AGBL3: variants seen among roughly 807,000 people sequenced by gnomAD.
The protein encoded by AGBL3 is AGBL carboxypeptidase 3.
A neutral mutation model predicts 94.5 loss-of-function variants in AGBL3; 68 were observed. That is an observed-to-expected ratio of 0.72 (90% CI 0.59 to 0.88). The LOEUF (loss-of-function observed/expected upper bound fraction) is 0.88, where lower values mean the gene tolerates loss of function less well. Among genes scored for constraint, AGBL3 ranks in the 40% least tolerant of loss-of-function variants. The probability of loss-of-function intolerance (pLI) is 0.00; values close to 1 mark genes in which losing one functional copy is unlikely to be tolerated. For missense variants in AGBL3, 934 were observed against 1,103.8 expected, an observed-to-expected ratio of 0.85 and a Z score of 2.18; for synonymous variants, 354 against 370.7, an observed-to-expected ratio of 0.95 and a Z score of 0.52.
chr7:135,064,824 T>C (rs529941999), intron 12 of AGBL3, among the ~76,000 whole-genome samples: 1 of 152,310 alleles, frequency 6.6e-6, no homozygotes, highest in African/African-American at 2.4e-5. Context: ...CAAAAAATCC[T>C]TCCAAAATGG....
intron 4 of AGBL3, among the ~76,000 whole-genome samples, chr7:134,998,897 T>C (rs4403354): frequency 0.93 from 141,878 of 152,216 alleles, 66,908 homozygotes; most frequent in East Asian, 1. Flanking sequence ...TGTCCTCCTC[T>C]ATCCCTTCTC....
chr7:135,105,142 T>G (rs977656799), intron 15 of AGBL3, among the ~76,000 whole-genome samples: 5 of 146,538 alleles, frequency 3.4e-5, no homozygotes, highest in African/African-American at 1.0e-4. Flanking sequence ...TAATCTTGGC[T>G]CACTGCAACC....
Position 135,129,363 on chromosome 7 carries a change from C to A in AGBL3, c.2343-5478C>A, listed in dbSNP as rs1828407404. ...AATAGACTTACTAAATGAATACCTG[C>A]AAGCAGATAAGGCCAATAAAAGACT... On this transcript the variant is annotated intron_variant, in intron 16 of 16. Transcript: ENST00000436302. 4 of 919,850 alleles carry A rather than the reference C, an allele frequency of 4.3e-6. No homozygotes were observed. In the South Asian group the frequency reaches 5.2e-5, roughly 12 times the overall value. The allele number at this position is 919,850 out of a possible 1,614,324, so 57.0% of individuals were successfully genotyped here.
At chr7:134,999,315 A>G (rs1053796374) in intron 4 of AGBL3, among the ~76,000 whole-genome samples, 3 of 152,196 alleles carry the variant, frequency 2.0e-5, no homozygotes, top group Non-Finnish European at 4.4e-5. Flanking sequence ...GGGCTACCAC[A>G]GCATTCCGAT....
chr7:134,987,310 C>G (rs1193530294), intron 1 of AGBL3, among the ~76,000 whole-genome samples: 1 of 152,138 alleles, frequency 6.6e-6, no homozygotes, highest in Non-Finnish European at 1.5e-5. Context: ...TGATATTACC[C>G]ACATGGGAAG....
intron 8 of AGBL3, among the ~76,000 whole-genome samples, chr7:135,037,814 G>A (rs1164856422): frequency 1.3e-5 from 2 of 151,992 alleles, no homozygotes; most frequent in Non-Finnish European, 2.9e-5. Context: ...TAATACCACT[G>A]CTCTTTTACC....
Position 135,079,897 on chromosome 7 carries a change from A to G in AGBL3, c.1981-306A>G, listed in dbSNP as rs1436056806. ...AATTTAAATAAGTGAGATTATAAGA[A>G]TACCATTTTTTTGTCTCTTTCTCAT... is the stretch of plus-strand genomic sequence containing the variant. On this transcript the variant is annotated intron_variant, in intron 13 of 16. Transcript: ENST00000436302. Among the ~76,000 whole-genome samples the G allele has an allele frequency of 3.3e-5, 5 of 152,200 alleles. 1 individual carries two copies.
intron 12 of AGBL3, among the ~76,000 whole-genome samples, chr7:135,072,598 G>A (rs901974149): frequency 1.3e-5 from 2 of 152,116 alleles, no homozygotes; most frequent in African/African-American, 4.8e-5. Flanking sequence ...AAAATGATAA[G>A]TTCATGTCCT....
chr7:135,036,769 G>A lies in AGBL3; in HGVS notation c.1338-649G>A, dbSNP rs540395648. 2.0e-5 allele frequency among the ~76,000 whole-genome samples: 3 copies of A among 152,280 alleles called. No individual in the cohort carries two copies. The East Asian group carries it at 5.8e-4, about 29-fold the overall frequency. On this transcript the variant is annotated intron_variant, in intron 7 of 16. Transcript: ENST00000436302. ...TAGTATTTACATTTACAAAGATAGA[G>A]AAAGAAGATATTTCAGTCAGAAAGA...
intron 16 of AGBL3, among the ~76,000 whole-genome samples, chr7:135,126,627 C>T (rs1489464707): frequency 6.6e-6 from 1 of 152,206 alleles, no homozygotes; most frequent in Non-Finnish European, 1.5e-5. Flanking sequence ...ATCACACTAC[C>T]TAACTTCAAA....
intron 5 of AGBL3, among the ~76,000 whole-genome samples, chr7:135,018,937 T>C (rs1814113899): frequency 1.3e-5 from 2 of 152,206 alleles, no homozygotes; most frequent in Non-Finnish European, 2.9e-5. Context: ...CCAACACTCC[T>C]ATCAAGATAT....
intron 11 of AGBL3, among the ~76,000 whole-genome samples, chr7:135,055,157 C>G (rs1818228705): frequency 6.6e-6 from 1 of 152,152 alleles, no homozygotes; most frequent in Admixed American, 6.5e-5. Context: ...CATAAGGGAC[C>G]CACCCCCATG....
intron 11 of AGBL3, among the ~76,000 whole-genome samples, chr7:135,049,037 T>C (rs745583591): frequency 6.6e-6 from 1 of 151,856 alleles, no homozygotes; most frequent in African/African-American, 2.4e-5. Context: ...AGTAAAAGCC[T>C]TCAGTTTTTT....
At chr7:134,994,603 T>A (rs1206196149) in intron 4 of AGBL3, among the ~76,000 whole-genome samples, 1 of 151,420 alleles carries the variant, frequency 6.6e-6, no homozygotes, top group Non-Finnish European at 1.5e-5. Context: ...CATTGGTGAA[T>A]AAAAAAAAAT....
chr7:135,003,546 A>G (rs1811989937), intron 4 of AGBL3, among the ~76,000 whole-genome samples: 1 of 151,892 alleles, frequency 6.6e-6, no homozygotes, highest in Non-Finnish European at 1.5e-5. Flanking sequence ...TAATTTATAG[A>G]TTAACTTAAG....
At chr7:135,047,325 T>C (rs537655701) in intron 11 of AGBL3, among the ~76,000 whole-genome samples, 6 of 152,066 alleles carry the variant, frequency 3.9e-5, no homozygotes, top group Non-Finnish European at 8.8e-5. Context: ...ATAATGGCTA[T>C]TGTGAATAGT....
rs781726631 is a variant in AGBL3, at chr7:135,076,410, A to G, written c.1922A>G (p.Lys641Arg). ...TTCTTTTACTAGAAAAAACATTTGAAAACAAAGAAGGAAAGGAATTCTACC... is the reference window on the plus strand; with the variant it reads ...TTCTTTTACTAGAAAAAACATTTGAGAACAAAGAAGGAAAGGAATTCTACC... ...LKLTSQKKHL[K>R]TKKERNSTIA... The change falls in exon 13 of 17, where the codon AAA (lysine) becomes AGA (arginine). Residue 641 changes from lysine to arginine, a missense_variant. This residue lies in a region of AGBL3 where 441 missense variants were observed against 518.2 expected (regional missense o/e 0.85). Coordinates refer to ENST00000436302, the MANE Select transcript of AGBL3 (RefSeq NM_178563.4). 15 of 1,547,164 alleles carry G rather than the reference A, an allele frequency of 9.7e-6. No homozygotes were observed. The African/African-American group carries it at 1.9e-4, about 20-fold the overall frequency.
chr7:134,987,194 C>T (rs1212465624), intron 1 of AGBL3, among the ~76,000 whole-genome samples: 1 of 152,204 alleles, frequency 6.6e-6, no homozygotes, highest in Non-Finnish European at 1.5e-5. Context: ...CCAAAACACG[C>T]TTCCTGTAGA....
intron 15 of AGBL3, among the ~76,000 whole-genome samples, chr7:135,091,972 A>C (rs949559403): frequency 6.6e-6 from 1 of 152,242 alleles, no homozygotes; most frequent in South Asian, 2.1e-4. Context: ...ATGATTTCTT[A>C]AAGAATTTAA....
Sources: allele counts gnomAD v4.1 joint callset (sites outside exome capture counted in the v4.1 genomes callset), GRCh38; gene constraint gnomAD v4.1.1; regional missense constraint gnomAD v4.1.1; transcripts MANE v1.5; gene names NCBI Gene and HGNC (gene_info 2026-07-23, HGNC 2026-07-21).